CRBN: variants seen among roughly 807,000 people sequenced by gnomAD.
The protein encoded by CRBN is protein cereblon.
A neutral mutation model predicts 62.2 loss-of-function variants in CRBN; 53 were observed. That is an observed-to-expected ratio of 0.85 (90% CI 0.68 to 1.07). The LOEUF is 1.07. Among genes scored for constraint, CRBN ranks in the 50% least tolerant of loss-of-function variants. The probability of loss-of-function intolerance (pLI) is 0.00; values close to 1 mark genes in which losing one functional copy is unlikely to be tolerated. For missense variants in CRBN, 616 were observed against 531.1 expected, an observed-to-expected ratio of 1.16 and a Z score of -1.57; for synonymous variants, 208 against 176.1, an observed-to-expected ratio of 1.18 and a Z score of -1.43.
intron 10 of CRBN, 29 bp downstream of exon 10, chr3:3,152,423 GAAAA>G (rs11414437): frequency 6.1e-6 from 9 of 1,487,094 alleles, no homozygotes; most frequent in East Asian, 2.6e-5. Flanking sequence ...GGTAAAAAAA[GAAAA>G]AAAAAAGCAA....
At chr3:3,152,782 C>G (rs891167970) in intron 9 of CRBN, among the ~76,000 whole-genome samples, 195 bp from the exon 10 acceptor site, 13 of 151,924 alleles carry the variant, frequency 8.6e-5, no homozygotes, top group Non-Finnish European at 1.8e-4. Flanking sequence ...CCTGTTTTGT[C>G]TAAATGTCTA....
At chr3:3,179,115 A>C (rs1468591912) in intron 1 of CRBN, among the ~76,000 whole-genome samples, 1 of 152,220 alleles carries the variant, frequency 6.6e-6, no homozygotes, top group Non-Finnish European at 1.5e-5. Context: ...TCATTGAACT[A>C]ATCTGCAAAT....
chr3:3,167,638 T>C lies in CRBN; in HGVS notation c.683A>G (p.Gln228Arg). ...QCSYKWWQKYQKRKFHCANLT... is the reference protein window; with the variant it reads ...QCSYKWWQKYRKRKFHCANLT... ...CATAAAAAATTAGTTTCTCACCTTCTGGTATTTCTGCCACCATTTATATGA... is the reference window on the plus strand; with the variant it reads ...CATAAAAAATTAGTTTCTCACCTTCCGGTATTTCTGCCACCATTTATATGA... Residue 228 changes from glutamine to arginine, a missense_variant, in exon 5 of 11, where the codon CAG (glutamine) becomes CGG (arginine). Gln to Arg is a conservative substitution (Grantham distance 43). Coordinates refer to ENST00000231948, the MANE Select transcript of CRBN (RefSeq NM_016302.4). 1 of 1,612,898 alleles carries C rather than the reference T, an allele frequency of 6.2e-7. No individual in the cohort carries two copies. Among genetic ancestry groups the C allele is most frequent in the Non-Finnish European group, 8.5e-7 (1 of 1,179,234 alleles).
chr3:3,154,933 A>ACTCAGTCCCAT lies in CRBN; in HGVS notation c.751-113_751-103dup, dbSNP rs1009814269. On this transcript the variant is annotated intron_variant, in intron 6 of 10. Coordinates refer to ENST00000231948, the MANE Select transcript of CRBN (RefSeq NM_016302.4). ...AACTAACACTGGTAGCAATTTAATCACTCAGTCCCATCTCAGTCCCAGTTT... is the reference window on the plus strand; with the variant it reads ...AACTAACACTGGTAGCAATTTAATCACTCAGTCCCATCTCAGTCCCATCTCAGTCCCAGTTT... 2.6e-5 allele frequency: 19 copies of ACTCAGTCCCAT among 739,186 alleles called. No individual in the cohort carries two copies. The African/African-American group carries it at 2.9e-4, about 11-fold the overall frequency. 45.8% of individuals were successfully genotyped at this position (739,186 alleles called of 1,614,324 possible). A position where few individuals can be genotyped will look rare whatever the true frequency, so the allele number is the denominator to read the frequency against.
intron 5 of CRBN, among the ~76,000 whole-genome samples, chr3:3,164,421 A>C (rs1040824053): frequency 2.6e-5 from 4 of 152,186 alleles, no homozygotes; most frequent in African/African-American, 9.7e-5. Flanking sequence ...AACCAGCCAC[A>C]AATTTCCGTT....
chr3:3,175,029 C>CAGTTTAA, intron 2 of CRBN, 134 bp downstream of exon 2: 1 of 152,736 alleles, frequency 6.5e-6, no homozygotes, highest in Non-Finnish European at 1.8e-5. Context: ...TGTTTATCTA[C>CAGTTTAA]TGGCAAATAG....
chr3:3,154,206 A>G (rs1432707772), intron 7 of CRBN, 131 bp from the exon 8 acceptor site: 13 of 648,330 alleles, frequency 2.0e-5, no homozygotes, highest in Non-Finnish European at 3.6e-5. Flanking sequence ...AGTATAAACA[A>G]TACAAAAATA....
intron 1 of CRBN, among the ~76,000 whole-genome samples, chr3:3,175,676 G>T (rs566062319): frequency 6.6e-6 from 1 of 152,092 alleles, no homozygotes; most frequent in East Asian, 1.9e-4. Flanking sequence ...TTGCGTTCCA[G>T]GATCCCACTT....
intron 5 of CRBN, among the ~76,000 whole-genome samples, chr3:3,164,208 A>T (rs1268539243): frequency 6.6e-6 from 1 of 152,246 alleles, no homozygotes; most frequent in Non-Finnish European, 1.5e-5. Flanking sequence ...TGAAAAGAAG[A>T]GTAGTCAAGC....
In CRBN at chr3:3,150,532, T is replaced by TA. The variant is rs1029189578; in HGVS notation, c.*332dup. 10 of 203,500 alleles carry TA rather than the reference T, an allele frequency of 4.9e-5. No individual in the cohort carries two copies. The East Asian group carries it at 1.1e-3, about 23-fold the overall frequency. 12.6% of individuals were successfully genotyped at this position (203,500 alleles called of 1,614,324 possible). A position where few individuals can be genotyped will look rare whatever the true frequency, so the allele number is the denominator to read the frequency against. On this transcript the variant is annotated 3_prime_UTR_variant, in exon 11 of 11. Transcript: ENST00000231948. Reference sequence around the variant, plus strand: ...AGGAATTTAAGATTTTTTTTTTTTTTAACACAGGAAATAATCTCATCATTT... The same window carrying TA: ...AGGAATTTAAGATTTTTTTTTTTTTTAAACACAGGAAATAATCTCATCATTT...
At chr3:3,152,686 G>A in intron 9 of CRBN, 99 bp from the exon 10 acceptor site, 1 of 1,394,826 alleles carries the variant, frequency 7.2e-7, no homozygotes, top group Non-Finnish European at 1.0e-6. Flanking sequence ...AATGAGGTAT[G>A]AGCTATACAG....
chr3:3,152,768 C>G (rs1706670039), intron 9 of CRBN, among the ~76,000 whole-genome samples, 181 bp from the exon 10 acceptor site: 1 of 152,146 alleles, frequency 6.6e-6, no homozygotes, highest in Admixed American at 6.6e-5. Flanking sequence ...AGCTGGCAGA[C>G]AGGCCTGTTT....
intron 5 of CRBN, among the ~76,000 whole-genome samples, chr3:3,166,507 G>GT (rs2126063549): frequency 6.6e-6 from 1 of 152,282 alleles, no homozygotes; most frequent in South Asian, 2.1e-4. Flanking sequence ...ACTAAAGGCA[G>GT]TATCAATATT....
At position 3,175,231 on chromosome 3, in the gene CRBN, G is replaced by A. The variant is rs1296603799; in HGVS notation, c.106C>T (p.Gln36Ter). The A allele has an allele frequency of 6.2e-7, 1 of 1,612,638 alleles. No individual in the cohort carries two copies. Among genetic ancestry groups the A allele is most frequent in the East Asian group, 2.2e-5 (1 of 44,834 alleles). The change falls in exon 2 of 11, where the codon CAG (glutamine) becomes TAG (stop). Residue 36 changes from glutamine (Q) to a stop codon, truncating the protein, a stop_gained. Coordinates refer to ENST00000231948, the MANE Select transcript of CRBN (RefSeq NM_016302.4). LOFTEE classifies it high-confidence loss of function. The stretch of plus-strand genomic sequence containing the variant: ...GGTTTTTTGGCTTCTTTACTATCCT[G>A]GTCTTCAACTTCCATTTCATCTTCT... ...EEEDEMEVEDQDSKEAKKPNI... is the reference protein window; with the variant it reads ...EEEDEMEVED
Position 3,153,983 on chromosome 3 carries a change from AGCGAAGTC to A in CRBN, c.920_927del (p.Arg307LeufsTer2). 1 of 1,609,024 alleles carries A rather than the reference AGCGAAGTC, an allele frequency of 6.2e-7. No individual in the cohort carries two copies. Among genetic ancestry groups the A allele is most frequent in the South Asian group, 1.1e-5 (1 of 90,962 alleles). ...ACTTTATTCATAATGTCTAATTCAC[AGCGAAGTC>A]GCTGGATAGCACTGCCAATTTTAAG... On this transcript the variant is annotated frameshift_variant, in exon 8 of 11. Coordinates refer to ENST00000231948, the MANE Select transcript of CRBN (RefSeq NM_016302.4). LOFTEE classifies it high-confidence loss of function.
At chr3:3,172,646 C>T (rs1707667455) in intron 4 of CRBN, 130 bp downstream of exon 4, 2 of 957,116 alleles carry the variant, frequency 2.1e-6, no homozygotes, top group Non-Finnish European at 3.3e-6. Context: ...CTGGGCTATA[C>T]CTTAGAAGGG....
At chr3:3,177,737 T>C (rs6782549) in intron 1 of CRBN, among the ~76,000 whole-genome samples, 6,119 of 152,294 alleles carry the variant, frequency 0.04, 423 homozygotes, top group African/African-American at 0.14. Flanking sequence ...AACCTTTTTT[T>C]CATAAATATG....
chr3:3,153,439 T>G lies in CRBN; in HGVS notation c.1001A>C (p.Lys334Thr). 6.4e-7 allele frequency: 1 copy of G among 1,553,970 alleles called. No individual in the cohort carries two copies. The change falls in exon 9 of 11, where the codon AAA becomes ACA. Residue 334 changes from lysine to threonine, a missense_variant. Physicochemically the swap from Lys to Thr is moderately conservative, Grantham distance 78. Transcript: ENST00000231948. The stretch of plus-strand genomic sequence containing the variant: ...AAGACCTTACCTGAATATTTCATTT[T>G]TGGTTGTTATTTCTGTTTCTTGACA... ...KQCQETEITT[K>T]NEIFSLSLCG...
chr3:3,152,386 G>C, intron 10 of CRBN, 70 bp downstream of exon 10: 1 of 1,482,930 alleles, frequency 6.7e-7, no homozygotes, highest in Non-Finnish European at 9.3e-7. Flanking sequence ...ACTCTGCTTA[G>C]GACTCTGGAT....
Sources: gnomAD v4.1 joint callset for allele counts (sites outside exome capture counted in the v4.1 genomes callset) on GRCh38, gnomAD v4.1.1 for gene constraint, MANE v1.5 for transcripts, NCBI Gene and HGNC (gene_info 2026-07-23, HGNC 2026-07-21) for gene names.